The following C7orf78 variants were observed in gnomAD, a reference collection of about 807,000 sequenced individuals.
The protein encoded by C7orf78 is chromosome 7 open reading frame 78.
the C7orf78 span, among the ~76,000 whole-genome samples, chr7:12,510,782 T>C: frequency 6.6e-6 from 1 of 152,208 alleles, no homozygotes; most frequent in Non-Finnish European, 1.5e-5. Context: ...TCCTTGTATA[T>C]GTTGGATATT....
the C7orf78 span, among the ~76,000 whole-genome samples, chr7:12,510,187 G>A: frequency 7.2e-6 from 1 of 138,078 alleles, no homozygotes; most frequent in Admixed American, 7.3e-5. Context: ...GGGTGGGGGG[G>A]TTTCTTGAGA....
At chr7:12,525,781 T>C in the C7orf78 span, 21 of 396,108 alleles carry the variant, frequency 5.3e-5, no homozygotes, top group East Asian at 6.8e-4. Context: ...AGAAACAATA[T>C]GTATTAATAA....
chr7:12,528,537 A>G, the C7orf78 span, among the ~76,000 whole-genome samples: 1 of 151,954 alleles, frequency 6.6e-6, no homozygotes, highest in Non-Finnish European at 1.5e-5. Flanking sequence ...AGTATATGCT[A>G]TGTGTCACTC....
At chr7:12,510,596 T>C in the C7orf78 span, among the ~76,000 whole-genome samples, 3 of 152,194 alleles carry the variant, frequency 2.0e-5, no homozygotes, top group East Asian at 1.9e-4. Context: ...TCCTGGATAA[T>C]AGCCATTCTA....
the C7orf78 span, chr7:12,504,250 G>A: frequency 6.6e-6 from 1 of 152,212 alleles, no homozygotes; most frequent in Non-Finnish European, 1.5e-5. Flanking sequence ...TATTGAGCTT[G>A]TTGTTGTGCT....
chr7:12,539,358 G>C, the C7orf78 span, among the ~76,000 whole-genome samples: 2 of 152,090 alleles, frequency 1.3e-5, no homozygotes, highest in Non-Finnish European at 2.9e-5. Context: ...CAGCTACTTG[G>C]GAGGCTGAGG....
At chr7:12,541,551 C>G in the C7orf78 span, 1 of 151,590 alleles carries the variant, frequency 6.6e-6, no homozygotes, top group Non-Finnish European at 1.5e-5. Flanking sequence ...AAGTTTAATT[C>G]ATGACACAGT....
the C7orf78 span, among the ~76,000 whole-genome samples, chr7:12,499,066 A>C: frequency 2.6e-5 from 4 of 152,098 alleles, no homozygotes; most frequent in African/African-American, 7.2e-5. Flanking sequence ...GCCTGCCCTA[A>C]AAGAGCTCCT....
the C7orf78 span, among the ~76,000 whole-genome samples, chr7:12,533,403 G>A: frequency 4.0e-5 from 6 of 151,660 alleles, no homozygotes; most frequent in Admixed American, 3.9e-4. Flanking sequence ...GGTTTGCCAT[G>A]TTGGCCAGGC....
chr7:12,532,345 C>A, the C7orf78 span, among the ~76,000 whole-genome samples: 1 of 152,004 alleles, frequency 6.6e-6, no homozygotes, highest in Non-Finnish European at 1.5e-5. Flanking sequence ...GTCTGGAGTT[C>A]GAGACCAGCC....
chr7:12,511,085 A>G, the C7orf78 span, among the ~76,000 whole-genome samples: 1 of 151,434 alleles, frequency 6.6e-6, no homozygotes, highest in East Asian at 2.0e-4. Context: ...ATAGGGTTCC[A>G]GTTTCATTCT....
At chr7:12,524,830 TA>T in the C7orf78 span, among the ~76,000 whole-genome samples, 1 of 150,868 alleles carries the variant, frequency 6.6e-6, no homozygotes, top group African/African-American at 2.5e-5. Context: ...AAAATAATAA[TA>T]AATAAATAAA....
the C7orf78 span, among the ~76,000 whole-genome samples, chr7:12,534,820 A>G: frequency 0.81 from 123,847 of 151,976 alleles, 50,631 homozygotes; most frequent in East Asian, 0.92. Context: ...CAGATGTGGT[A>G]GTACACACCT....
At chr7:12,489,529 A>T in the C7orf78 span, among the ~76,000 whole-genome samples, 189 of 152,264 alleles carry the variant, frequency 1.2e-3, no homozygotes, top group Middle Eastern at 0.024. Context: ...TTAGGACATT[A>T]AGTTATAAAC....
chr7:12,521,946 C>A, the C7orf78 span, among the ~76,000 whole-genome samples: 1 of 151,440 alleles, frequency 6.6e-6, no homozygotes, highest in East Asian at 1.9e-4. Context: ...ATGGCATAGC[C>A]CTTTATAAAA....
chr7:12,539,631 T>C, the C7orf78 span, among the ~76,000 whole-genome samples: 1 of 151,840 alleles, frequency 6.6e-6, no homozygotes, highest in African/African-American at 2.4e-5. Flanking sequence ...ACACCAGGGG[T>C]TTAGTCTAGG....
At chr7:12,483,889 A>AAAAAG in the C7orf78 span, 1 of 151,334 alleles carries the variant, frequency 6.6e-6, no homozygotes, top group Admixed American at 6.6e-5. Flanking sequence ...AAAAAAAAAA[A>AAAAAG]AAAAAAGAAA....
At chr7:12,497,070 C>T in the C7orf78 span, among the ~76,000 whole-genome samples, 1 of 152,112 alleles carries the variant, frequency 6.6e-6, no homozygotes, top group Non-Finnish European at 1.5e-5. Flanking sequence ...GGATCTTTGT[C>T]TAGGAAATTT....
At chr7:12,520,175 C>G in the C7orf78 span, among the ~76,000 whole-genome samples, 1 of 152,302 alleles carries the variant, frequency 6.6e-6, no homozygotes, top group South Asian at 2.1e-4. Context: ...CCCTTGCTTT[C>G]TTCCCCTTCT....
Sources: gnomAD v4.1 joint callset for allele counts (sites outside exome capture counted in the v4.1 genomes callset) on GRCh38, gnomAD v4.1.1 for gene constraint, MANE v1.5 for transcripts, NCBI Gene and HGNC (gene_info 2026-07-23, HGNC 2026-07-21) for gene names.